The following CDH18 variants were observed in gnomAD, a reference collection of about 807,000 sequenced individuals.
The protein encoded by CDH18 is cadherin 18, also known as cadherin-18.
Under a neutral mutation model 67.9 loss-of-function variants are expected in CDH18, and 31 were observed. That is an observed-to-expected ratio of 0.46 (90% CI 0.34 to 0.62). The LOEUF (loss-of-function observed/expected upper bound fraction) is 0.62. CDH18 is among the 20% of genes least tolerant of loss of function. The pLI is 0.01. For missense variants in CDH18, 890 were observed against 975.5 expected (o/e 0.91, Z 1.17); for synonymous variants, 362 against 347.2 (o/e 1.04, Z -0.48).
intron 2 of CDH18, chr5:19,886,086 C>T (rs1755532276): frequency 6.6e-6 from 1 of 152,040 alleles, no homozygotes; most frequent in Non-Finnish European, 1.5e-5. Flanking sequence ...AAAAGTAAAA[C>T]AAGAATAAAA....
intron 1 of CDH18, among the ~76,000 whole-genome samples, chr5:20,464,121 G>C (rs1367076231): frequency 2.0e-5 from 3 of 151,990 alleles, no homozygotes; most frequent in Admixed American, 2.0e-4. Flanking sequence ...AACTGATGAG[G>C]CTGACACACA....
At chr5:20,152,886 T>C (rs541920425) in intron 2 of CDH18, among the ~76,000 whole-genome samples, 7 of 152,058 alleles carry the variant, frequency 4.6e-5, no homozygotes, top group Non-Finnish European at 8.8e-5. Context: ...CATTGCTTAG[T>C]TCTGCAGCTA....
intron 2 of CDH18, among the ~76,000 whole-genome samples, chr5:19,899,781 T>A (rs1789738613): frequency 6.6e-6 from 1 of 152,148 alleles, no homozygotes; most frequent in Non-Finnish European, 1.5e-5. Flanking sequence ...AAAAGCCATA[T>A]GCCACAACGT....
intron 2 of CDH18, among the ~76,000 whole-genome samples, chr5:20,000,985 T>C (rs1393158239): frequency 2.0e-5 from 3 of 152,270 alleles, no homozygotes; most frequent in East Asian, 3.9e-4. Flanking sequence ...TTTGCAAAGG[T>C]TGGCAAAGTC....
At chr5:19,565,096 G>T (rs1237570132) in intron 8 of CDH18, among the ~76,000 whole-genome samples, 1 of 152,070 alleles carries the variant, frequency 6.6e-6, no homozygotes, top group Non-Finnish European at 1.5e-5. Flanking sequence ...TTCTAGACCT[G>T]CCCTGGGCTG....
rs73062617 is a variant in CDH18 at position 20,495,446 on chromosome 5, G to A, written c.-580+80016C>T. On this transcript the variant is annotated intron_variant, in intron 1 of 14. Coordinates refer to the CDH18 transcript ENST00000507958. The stretch of plus-strand genomic sequence containing the variant: ...TAGGATTATTCTAAAGCCTGCTTCA[G>A]AAATAAAATGATAATGCTATAGTAA... 6.6e-3 allele frequency among the ~76,000 whole-genome samples: 1,010 copies of A among 152,202 alleles called. 9 individuals are homozygous for A. The highest frequency in any genetic ancestry group is 0.024 in the African/African-American group (977 of 41,544).
chr5:20,522,022 T>A (rs2126524338), intron 1 of CDH18, among the ~76,000 whole-genome samples: 1 of 152,230 alleles, frequency 6.6e-6, no homozygotes, highest in South Asian at 2.1e-4. Flanking sequence ...GTGATAAAGT[T>A]AAAATGAGGT....
chr5:19,729,986 G>GTC lies in CDH18; in HGVS notation c.524-8522_524-8521dup, dbSNP rs568707013. On this transcript the variant is annotated intron_variant, in intron 4 of 12. Transcript: ENST00000382275. ...TCAATCTCTCTGTCTCTGCCTTTCT[G>GTC]TCTCTCTCTCCCTGCCTTTCTGTCT... 2.8e-3 allele frequency among the ~76,000 whole-genome samples: 428 copies of GTC among 152,046 alleles called. 1 individual carries two copies. The highest frequency in any genetic ancestry group is 9.9e-3 in the African/African-American group (410 of 41,476).
chr5:19,838,414 T>C (rs1201524549), intron 3 of CDH18, among the ~76,000 whole-genome samples: 1 of 152,146 alleles, frequency 6.6e-6, no homozygotes. Context: ...ACATGTGAAT[T>C]CCAATATACC....
chr5:20,292,539 A>G (rs1421207183), intron 1 of CDH18, among the ~76,000 whole-genome samples: 1 of 152,214 alleles, frequency 6.6e-6, no homozygotes, highest in Non-Finnish European at 1.5e-5. Context: ...ATTAGCTGCC[A>G]TAAAACAAGG....
At chr5:20,189,494 A>T (rs1240457961) in intron 2 of CDH18, among the ~76,000 whole-genome samples, 1 of 152,152 alleles carries the variant, frequency 6.6e-6, no homozygotes, top group African/African-American at 2.4e-5. Context: ...ATTACATAAA[A>T]TTTTATGTAT....
At chr5:20,520,071 A>T (rs577289884) in intron 1 of CDH18, among the ~76,000 whole-genome samples, 1 of 144,422 alleles carries the variant, frequency 6.9e-6, no homozygotes, top group South Asian at 2.2e-4. Flanking sequence ...AAGTGCTGGG[A>T]TTACAGGTGT....
rs1163523203 is a variant in CDH18, at chr5:19,938,275, T to A, written c.-257+42785A>T. Reference sequence around the variant, plus strand: ...CAATGATGCTGGGTTATGGAAAACTTACTCTATTGTCATGGTTAACTTCTG... The same window carrying A: ...CAATGATGCTGGGTTATGGAAAACTAACTCTATTGTCATGGTTAACTTCTG... On this transcript the variant is annotated intron_variant, in intron 2 of 12. Transcript: ENST00000382275. 2.6e-5 allele frequency among the ~76,000 whole-genome samples: 4 copies of A among 151,300 alleles called. No individual in the cohort carries two copies. In the East Asian group the frequency reaches 7.8e-4, roughly 29 times the overall value.
At chr5:19,899,534 G>A (rs2150108249) in intron 2 of CDH18, among the ~76,000 whole-genome samples, 1 of 152,210 alleles carries the variant, frequency 6.6e-6, no homozygotes, top group Admixed American at 6.5e-5. Context: ...GCTTGCTTAT[G>A]GAAAAGAATG....
chr5:20,277,898 C>A (rs1168955887), intron 1 of CDH18, among the ~76,000 whole-genome samples: 1 of 152,112 alleles, frequency 6.6e-6, no homozygotes, highest in African/African-American at 2.4e-5. Context: ...AGTCTCTTAG[C>A]AGCAGAACTG....
chr5:19,979,582 C>A (rs527806276), intron 2 of CDH18, among the ~76,000 whole-genome samples: 3 of 152,130 alleles, frequency 2.0e-5, no homozygotes, highest in Admixed American at 6.6e-5. Context: ...TGACAGGAAA[C>A]AACATTTTAA....
chr5:19,506,757 G>T (rs1206680545), intron 10 of CDH18, among the ~76,000 whole-genome samples: 1 of 152,134 alleles, frequency 6.6e-6, no homozygotes, highest in Non-Finnish European at 1.5e-5. Context: ...ATTAATTCAA[G>T]ATGGATTAAA....
intron 2 of CDH18, among the ~76,000 whole-genome samples, chr5:20,015,268 T>C (rs564410004): frequency 6.6e-6 from 1 of 152,234 alleles, no homozygotes; most frequent in South Asian, 2.1e-4. Context: ...TGGTCCAATA[T>C]TCACTCTCTT....
intron 2 of CDH18, among the ~76,000 whole-genome samples, chr5:19,864,825 C>T (rs868033426): frequency 6.6e-6 from 1 of 152,130 alleles, no homozygotes; most frequent in African/African-American, 2.4e-5. Context: ...GAATTTTTTG[C>T]CACTCTTACA....
Sources: allele counts gnomAD v4.1 joint callset (sites outside exome capture counted in the v4.1 genomes callset), GRCh38; gene constraint gnomAD v4.1.1; transcripts MANE v1.5; gene names NCBI Gene and HGNC (gene_info 2026-07-23, HGNC 2026-07-21).